Variants in NKAIN3 observed in about 807,000 individuals in gnomAD.
NKAIN3 encodes sodium/potassium-transporting ATPase subunit beta-1-interacting protein 3.
Under a neutral mutation model 30.2 loss-of-function variants are expected in NKAIN3, and 25 were observed. The ratio of observed to expected loss-of-function variants is 0.83; its 90% CI spans 0.60 to 1.16. The LOEUF (loss-of-function observed/expected upper bound fraction) is 1.16. Among genes scored for constraint, NKAIN3 ranks in the 50% most tolerant of loss-of-function variants. NKAIN3 has a pLI of 0.00. For synonymous variants in NKAIN3, 91 were observed against 89.6 expected (o/e 1.02, Z -0.09); for missense variants, 225 against 254.1 (o/e 0.89, Z 0.78).
At chr8:62,711,105 G>A (rs1453792965) in intron 3 of NKAIN3, among the ~76,000 whole-genome samples, 1 of 152,112 alleles carries the variant, frequency 6.6e-6, no homozygotes, top group Non-Finnish European at 1.5e-5. Context: ...CGAGAAATCT[G>A]CAGTTAATCT....
At chr8:62,873,995 T>C (rs182787741) in intron 4 of NKAIN3, among the ~76,000 whole-genome samples, 3 of 150,032 alleles carry the variant, frequency 2.0e-5, no homozygotes, top group Admixed American at 2.0e-4. Context: ...AGAGAAGAAT[T>C]GAAGGAGATA....
At chr8:62,883,583 T>G (rs183556402) in intron 4 of NKAIN3, among the ~76,000 whole-genome samples, 1 of 151,788 alleles carries the variant, frequency 6.6e-6, no homozygotes, top group Non-Finnish European at 1.5e-5. Context: ...AGCTAAGAAT[T>G]TAAGTACAAT....
intron 4 of NKAIN3, chr8:62,863,420 G>C: frequency 1.9e-6 from 3 of 1,551,550 alleles, no homozygotes; most frequent in Non-Finnish European, 2.6e-6. Context: ...ATGTCAGTAT[G>C]AGTAATCTTG....
intron 3 of NKAIN3, among the ~76,000 whole-genome samples, chr8:62,630,885 T>C (rs753271396): frequency 1.3e-5 from 2 of 152,148 alleles, no homozygotes; most frequent in Non-Finnish European, 2.9e-5. Context: ...TTTCATCATA[T>C]AAACAAGCCT....
chr8:62,530,816 T>G (rs1435674637), intron 1 of NKAIN3, among the ~76,000 whole-genome samples: 2 of 152,104 alleles, frequency 1.3e-5, no homozygotes, highest in East Asian at 3.9e-4. Flanking sequence ...TTTTTTGTAT[T>G]TTTAGTAGAA....
intron 1 of NKAIN3, among the ~76,000 whole-genome samples, chr8:62,563,210 T>A (rs1809643879): frequency 6.6e-6 from 1 of 152,160 alleles, no homozygotes; most frequent in South Asian, 2.1e-4. Context: ...CTGCATTTTT[T>A]AAGGGTGCCT....
intron 1 of NKAIN3, among the ~76,000 whole-genome samples, chr8:62,357,802 G>A (rs769855379): frequency 2.6e-5 from 4 of 152,106 alleles, no homozygotes; most frequent in Non-Finnish European, 5.9e-5. Context: ...TATGTTGGAT[G>A]TCCTCCAAAA....
At chr8:62,342,628 A>G (rs1815790635) in intron 1 of NKAIN3, among the ~76,000 whole-genome samples, 1 of 152,032 alleles carries the variant, frequency 6.6e-6, no homozygotes. Flanking sequence ...AGGGCTCTTG[A>G]TGTTTCTCAT....
At chr8:62,989,592 G>T (rs902136446), downstream of NKAIN3, among the ~76,000 whole-genome samples, 24 of 152,128 alleles carry the variant, frequency 1.6e-4, no homozygotes, top group African/African-American at 5.8e-4. Context: ...TACAATCTAA[G>T]ATGAGATTTG....
rs1228487756 is a variant in NKAIN3, at chr8:62,741,419, G to GC, written c.274-5513_274-5512insC. Among the ~76,000 whole-genome samples, 150 of 135,286 alleles carry GC rather than the reference G, an allele frequency of 1.1e-3. 1 individual carries two copies. The highest frequency in any genetic ancestry group is 4.6e-3 in the African/African-American group (143 of 30,938). 88.8% of individuals were successfully genotyped at this position (135,286 alleles called of 152,430 possible). On this transcript the variant is annotated intron_variant, in intron 3 of 6. Transcript: ENST00000623646. ...GGAAGGAAGGAAGGAAGGAAGGAAGGAAGGCAGGCAAGCAAGCAAGCACAC... is the reference window on the plus strand; with the variant it reads ...GGAAGGAAGGAAGGAAGGAAGGAAGGCAAGGCAGGCAAGCAAGCAAGCACAC...
chr8:62,491,514 T>G (rs964919342), intron 1 of NKAIN3, among the ~76,000 whole-genome samples: 3 of 152,196 alleles, frequency 2.0e-5, no homozygotes, highest in African/African-American at 7.2e-5. Flanking sequence ...TAGACTTTTC[T>G]CCTTTCATTA....
intron 1 of NKAIN3, among the ~76,000 whole-genome samples, chr8:62,388,407 T>C (rs769847891): frequency 1.3e-5 from 2 of 152,244 alleles, no homozygotes; most frequent in South Asian, 2.1e-4. Context: ...ATTTCATGAT[T>C]TGAAAAACAA....
At chr8:62,603,291 A>T (rs1009737752) in intron 3 of NKAIN3, among the ~76,000 whole-genome samples, 4 of 152,138 alleles carry the variant, frequency 2.6e-5, no homozygotes, top group Non-Finnish European at 5.9e-5. Flanking sequence ...ACCCTGATAA[A>T]CACGTTTTGT....
At chr8:62,410,593 A>G (rs1291132338) in intron 1 of NKAIN3, among the ~76,000 whole-genome samples, 2 of 152,204 alleles carry the variant, frequency 1.3e-5, no homozygotes, top group East Asian at 3.8e-4. Flanking sequence ...AAACAAAACA[A>G]GATAAGATTG....
chr8:62,682,923 A>G (rs969968715), intron 3 of NKAIN3, among the ~76,000 whole-genome samples: 1 of 152,130 alleles, frequency 6.6e-6, no homozygotes, highest in African/African-American at 2.4e-5. Context: ...GACAAAAGCC[A>G]TATTTTCTTG....
chr8:62,848,911 T>A (rs192689604), intron 4 of NKAIN3, among the ~76,000 whole-genome samples: 7 of 152,246 alleles, frequency 4.6e-5, no homozygotes, highest in Admixed American at 3.9e-4. Context: ...TCTGCATCTA[T>A]TGAGATAATC....
intron 1 of NKAIN3, among the ~76,000 whole-genome samples, chr8:62,535,935 A>C (rs1221137470): frequency 1.3e-5 from 2 of 152,180 alleles, no homozygotes; most frequent in Non-Finnish European, 2.9e-5. Flanking sequence ...TCTGAGTCCT[A>C]ATACACCCAA....
chr8:62,671,264 T>C (rs1813293825), intron 3 of NKAIN3, among the ~76,000 whole-genome samples: 1 of 152,104 alleles, frequency 6.6e-6, no homozygotes, highest in African/African-American at 2.4e-5. Context: ...ACGTTTTCCT[T>C]TGAAAAAACT....
chr8:62,680,630 C>A (rs1303395074), intron 3 of NKAIN3, among the ~76,000 whole-genome samples: 1 of 152,078 alleles, frequency 6.6e-6, no homozygotes, highest in Non-Finnish European at 1.5e-5. Flanking sequence ...CTCTGTAGAA[C>A]CCTTACATTA....
Sources: gnomAD v4.1 joint callset for allele counts (sites outside exome capture counted in the v4.1 genomes callset) on GRCh38, gnomAD v4.1.1 for gene constraint, MANE v1.5 for transcripts, NCBI Gene and HGNC (gene_info 2026-07-23, HGNC 2026-07-21) for gene names.